The following CPO variants were observed in gnomAD, a reference collection of about 807,000 sequenced individuals.
CPO encodes the protein carboxypeptidase O, also known as metallocarboxypeptidase C.
In CPO, 43 loss-of-function variants were observed where a neutral mutation model predicts 41.2. The ratio of observed to expected loss-of-function variants is 1.04; its 90% CI spans 0.82 to 1.35. CPO has a LOEUF of 1.35. Among genes scored for constraint, CPO ranks in the 40% most tolerant of loss-of-function variants. The pLI, the probability that CPO is intolerant of heterozygous loss-of-function variation, is 0.00. For missense variants in CPO, 408 were observed against 451.7 expected, an observed-to-expected ratio of 0.90 and a Z score of 0.88; for synonymous variants, 178 against 162.7, an observed-to-expected ratio of 1.09 and a Z score of -0.72.
In CPO at chr2:206,939,587, A is replaced by C. The variant is rs1415727867; in HGVS notation, c.-13A>C. The C allele has an allele frequency of 6.2e-7, 1 of 1,609,624 alleles. No homozygotes were observed. The highest frequency in any genetic ancestry group is 1.7e-5 in the Admixed American group (1 of 59,882). ...AGAGAGGCCCAGAATTTTCTAACTTACTGTGTGGCAGAATGAAGCCTCTGC... is the reference window on the plus strand; with the variant it reads ...AGAGAGGCCCAGAATTTTCTAACTTCCTGTGTGGCAGAATGAAGCCTCTGC... On this transcript the variant is annotated 5_prime_UTR_variant, in exon 1 of 9. Transcript: ENST00000272852.
At chr2:206,950,646 C>T (rs1184231895) in intron 2 of CPO, among the ~76,000 whole-genome samples, 2 of 152,108 alleles carry the variant, frequency 1.3e-5, no homozygotes, top group African/African-American at 4.8e-5. Context: ...TATTGTGGCA[C>T]TATTCACAAT....
intron 2 of CPO, among the ~76,000 whole-genome samples, chr2:206,950,059 A>G (rs1323686915): frequency 6.6e-6 from 1 of 152,192 alleles, no homozygotes; most frequent in African/African-American, 2.4e-5. Context: ...ATTGCTGTTT[A>G]TATGGGTGTG....
At chr2:206,958,741 T>G (rs1003516337) in intron 4 of CPO, among the ~76,000 whole-genome samples, 8 of 142,996 alleles carry the variant, frequency 5.6e-5, no homozygotes, top group Admixed American at 2.8e-4. Flanking sequence ...TTTTTTTTTT[T>G]TTTTTTTTTT....
chr2:206,942,167 T>A (rs549436604), intron 1 of CPO, among the ~76,000 whole-genome samples: 83 of 152,232 alleles, frequency 5.5e-4, no homozygotes, highest in African/African-American at 2.0e-3. Flanking sequence ...AGAGTTTTCA[T>A]TGGTTTGAGG....
At chr2:206,951,284 T>C (rs575329499) in intron 2 of CPO, among the ~76,000 whole-genome samples, 2 of 152,258 alleles carry the variant, frequency 1.3e-5, no homozygotes, top group South Asian at 2.1e-4. Context: ...AAAAAAGAAA[T>C]ATTTGTATTG....
intron 1 of CPO, among the ~76,000 whole-genome samples, 196 bp downstream of exon 1, chr2:206,939,863 A>C (rs576797848): frequency 6.6e-6 from 1 of 152,252 alleles, no homozygotes; most frequent in Admixed American, 6.5e-5. Flanking sequence ...GAATAAATGA[A>C]TAAATATCTA....
At chr2:206,951,722 A>C (rs182996833) in intron 2 of CPO, among the ~76,000 whole-genome samples, 11 of 152,368 alleles carry the variant, frequency 7.2e-5, no homozygotes, top group Admixed American at 7.2e-4. Flanking sequence ...TCACAAAGAC[A>C]CTTAAACTTT....
In CPO at chr2:206,969,455, T is replaced by C; in HGVS notation, c.*19T>C. The stretch of plus-strand genomic sequence containing the variant: ...TCTCTAAGTGCATTCTGCCCAGGCC[T>C]GCTCAACCCCAGTGGCATGAGTGTG... On this transcript the variant is annotated 3_prime_UTR_variant, in exon 9 of 9. Transcript: ENST00000272852. 3 of 1,611,820 alleles carry C rather than the reference T, an allele frequency of 1.9e-6. No homozygotes were observed. Among genetic ancestry groups the C allele is most frequent in the Non-Finnish European group, 2.5e-6 (3 of 1,178,120 alleles).
chr2:206,946,474 T>C (rs1693147706), intron 1 of CPO, among the ~76,000 whole-genome samples: 1 of 152,160 alleles, frequency 6.6e-6, no homozygotes, highest in East Asian at 1.9e-4. Context: ...CTCAACTTGA[T>C]AAACAACATC....
rs771513932 is a variant in CPO at position 206,949,657 on chromosome 2, G to T, written c.109G>T (p.Val37Leu). The T allele has an allele frequency of 2.3e-5, 37 of 1,613,566 alleles. No individual in the cohort carries two copies. The highest frequency in any genetic ancestry group is 3.1e-5 in the Non-Finnish European group (37 of 1,179,562). ...QHRQEIVDKSVSPWSLETYSY... is the reference protein window; with the variant it reads ...QHRQEIVDKSLSPWSLETYSY... Reference sequence around the variant, plus strand: ...CAGACAAGAGATTGTGGACAAGTCAGTGAGTCCATGGAGCCTGGAGACGTA... The same window carrying T: ...CAGACAAGAGATTGTGGACAAGTCATTGAGTCCATGGAGCCTGGAGACGTA... Residue 37 changes from valine to leucine, a missense_variant, in exon 2 of 9, where the codon GTG becomes TTG. Coordinates refer to ENST00000272852, the MANE Select transcript of CPO (RefSeq NM_173077.3).
At chr2:206,961,232 T>A (rs1693472853) in intron 6 of CPO, among the ~76,000 whole-genome samples, 1 of 152,226 alleles carries the variant, frequency 6.6e-6, no homozygotes, top group African/African-American at 2.4e-5. Flanking sequence ...ATATGAATTA[T>A]CATAAAGAAA....
At chr2:206,950,965 G>A (rs538488250) in intron 2 of CPO, among the ~76,000 whole-genome samples, 1 of 152,108 alleles carries the variant, frequency 6.6e-6, no homozygotes, top group South Asian at 2.1e-4. Context: ...AGCATTAGGA[G>A]AAATACCTAA....
At chr2:206,960,602 C>G (rs1485979679) in intron 5 of CPO, among the ~76,000 whole-genome samples, 1 of 152,192 alleles carries the variant, frequency 6.6e-6, no homozygotes. Flanking sequence ...AGGAAAAGGC[C>G]AAACTACTTC....
chr2:206,961,217 T>A (rs1693472511), intron 6 of CPO, among the ~76,000 whole-genome samples: 1 of 152,194 alleles, frequency 6.6e-6, no homozygotes, highest in African/African-American at 2.4e-5. Context: ...CCTTTGTTTT[T>A]AAATATATGA....
chr2:206,947,400 T>C (rs1693166161), intron 1 of CPO, among the ~76,000 whole-genome samples: 1 of 152,158 alleles, frequency 6.6e-6, no homozygotes, highest in Admixed American at 6.6e-5. Flanking sequence ...CAAATATTAA[T>C]TCAAAATGTA....
chr2:206,957,239 G>A (rs1443086260), intron 3 of CPO, among the ~76,000 whole-genome samples: 1 of 152,042 alleles, frequency 6.6e-6, no homozygotes, highest in African/African-American at 2.4e-5. Context: ...AGCTGGGCGT[G>A]GTGGCATGTG....
At chr2:206,961,107 T>C (rs1390610670) in intron 6 of CPO, among the ~76,000 whole-genome samples, 165 bp downstream of exon 6, 1 of 152,222 alleles carries the variant, frequency 6.6e-6, no homozygotes, top group Non-Finnish European at 1.5e-5. Flanking sequence ...ATTATCTACA[T>C]AGTAAGAGCT....
At chr2:206,954,811 C>T (rs1039467274) in intron 2 of CPO, among the ~76,000 whole-genome samples, 1 of 152,132 alleles carries the variant, frequency 6.6e-6, no homozygotes, top group Non-Finnish European at 1.5e-5. Flanking sequence ...GAAGGGGAAA[C>T]AAGTCCTTCT....
At chr2:206,959,455 T>C (rs1693437607) in intron 4 of CPO, among the ~76,000 whole-genome samples, 176 bp from the exon 5 acceptor site, 1 of 152,154 alleles carries the variant, frequency 6.6e-6, no homozygotes, top group South Asian at 2.1e-4. Context: ...TCAGTGATTC[T>C]GATGTGTGAT....
Sources: allele counts gnomAD v4.1 joint callset (sites outside exome capture counted in the v4.1 genomes callset), GRCh38; gene constraint gnomAD v4.1.1; transcripts MANE v1.5; gene names NCBI Gene and HGNC (gene_info 2026-07-23, HGNC 2026-07-21).